The following IQSEC1 variants were observed in gnomAD, a reference collection of about 807,000 sequenced individuals.
IQSEC1 encodes IQ motif and SEC7 domain-containing protein 1.
In IQSEC1, 31 loss-of-function variants were observed where a neutral mutation model predicts 91.0. The ratio of observed to expected loss-of-function variants is 0.34; its 90% CI spans 0.26 to 0.46. The LOEUF (loss-of-function observed/expected upper bound fraction) is 0.46. Among genes scored for constraint, IQSEC1 ranks in the 20% least tolerant of loss-of-function variants. The pLI, the probability that IQSEC1 is intolerant of heterozygous loss-of-function variation, is 1.00. For missense variants in IQSEC1, 1,388 were observed against 1,575.6 expected (o/e 0.88, Z 2.02); for synonymous variants, 699 against 662.6 (o/e 1.05, Z -0.84).
At chr3:13,087,382 G>A (rs147636497) in intron 2 of IQSEC1, among the ~76,000 whole-genome samples, 2 of 152,124 alleles carry the variant, frequency 1.3e-5, no homozygotes, top group East Asian at 1.9e-4. Flanking sequence ...AGAGGCTCTC[G>A]GTGCAGAAAG....
intron 1 of IQSEC1, among the ~76,000 whole-genome samples, chr3:13,278,053 G>A (rs187169150): frequency 1.4e-4 from 22 of 152,262 alleles, no homozygotes; most frequent in East Asian, 7.7e-4. Flanking sequence ...CTGACGTGCC[G>A]CCGTACGGTT....
intron 2 of IQSEC1, among the ~76,000 whole-genome samples, chr3:13,090,604 AG>A (rs1193140779): frequency 6.6e-6 from 1 of 152,172 alleles, no homozygotes; most frequent in Non-Finnish European, 1.5e-5. Flanking sequence ...GTGCAGGGGC[AG>A]GTCCTGGTAG....
chr3:13,115,149 G>T (rs982617891), intron 2 of IQSEC1, among the ~76,000 whole-genome samples: 1 of 152,212 alleles, frequency 6.6e-6, no homozygotes, highest in Non-Finnish European at 1.5e-5. Flanking sequence ...GCTGAGGAGC[G>T]CCATGGCTGA....
At chr3:13,146,377 C>T (rs1706898510) in intron 2 of IQSEC1, among the ~76,000 whole-genome samples, 1 of 152,224 alleles carries the variant, frequency 6.6e-6, no homozygotes, top group Non-Finnish European at 1.5e-5. Context: ...CTTTCCTTTT[C>T]TGGTGCCTCC....
chr3:13,142,381 C>T (rs1002112473), intron 2 of IQSEC1, among the ~76,000 whole-genome samples: 3 of 152,212 alleles, frequency 2.0e-5, no homozygotes, highest in Non-Finnish European at 4.4e-5. Flanking sequence ...TTGGAAGCCA[C>T]CCCAGGCCAT....
At chr3:13,073,566 CCCTCGCGGCAAAGT>C (rs1348041938), upstream of IQSEC1, among the ~76,000 whole-genome samples, 11 of 152,068 alleles carry the variant, frequency 7.2e-5, no homozygotes, top group African/African-American at 2.7e-4. Flanking sequence ...CTCGGCTGCG[CCCTCGCGGCAAAGT>C]CACACACCCG....
chr3:12,993,312 C>A (rs62242714), intron 1 of IQSEC1, among the ~76,000 whole-genome samples: 1,738 of 152,334 alleles, frequency 0.011, 13 homozygotes, highest in Non-Finnish European at 0.015. Flanking sequence ...TTGGACCCAG[C>A]CCTCCAGCCC....
intron 2 of IQSEC1, among the ~76,000 whole-genome samples, chr3:13,096,482 AAG>A (rs1705964560): frequency 6.6e-6 from 1 of 152,164 alleles, no homozygotes; most frequent in Admixed American, 6.5e-5. Flanking sequence ...AGCAAGAATC[AAG>A]TATTTGGGGG....
chr3:12,929,924 C>T (rs1697518365), intron 3 of IQSEC1, among the ~76,000 whole-genome samples: 1 of 152,220 alleles, frequency 6.6e-6, no homozygotes, highest in South Asian at 2.1e-4. Context: ...AGCTTTTCCT[C>T]ACATCAGATG....
intron 1 of IQSEC1, among the ~76,000 whole-genome samples, chr3:13,279,775 G>A (rs1272993168): frequency 6.6e-6 from 1 of 152,196 alleles, no homozygotes; most frequent in African/African-American, 2.4e-5. Flanking sequence ...GCAGGTAGGG[G>A]GAAAGGGGAG....
chr3:13,012,037 C>T (rs943757325), intron 1 of IQSEC1, among the ~76,000 whole-genome samples: 5 of 152,296 alleles, frequency 3.3e-5, no homozygotes, highest in African/African-American at 9.6e-5. Flanking sequence ...CCAGAGGCTG[C>T]GGAGTGGCCA....
intron 1 of IQSEC1, among the ~76,000 whole-genome samples, chr3:12,953,306 C>T (rs1049749222): frequency 6.6e-6 from 1 of 152,178 alleles, no homozygotes; most frequent in East Asian, 1.9e-4. Context: ...GCGAGGGACA[C>T]TGAGGCTGAT....
At chr3:12,934,031 C>T (rs866921647) in intron 3 of IQSEC1, among the ~76,000 whole-genome samples, 23 of 152,166 alleles carry the variant, frequency 1.5e-4, no homozygotes, top group African/African-American at 5.6e-4. Flanking sequence ...GGGCCTGGGT[C>T]GAGAGATGAT....
chr3:12,998,486 T>G (rs190536549), intron 1 of IQSEC1, among the ~76,000 whole-genome samples: 2 of 152,214 alleles, frequency 1.3e-5, no homozygotes, highest in Admixed American at 6.5e-5. Flanking sequence ...TTACTTTTTA[T>G]GTAAGAAAGA....
chr3:13,202,116 G>C (rs1411838544), intron 1 of IQSEC1, among the ~76,000 whole-genome samples: 2 of 152,194 alleles, frequency 1.3e-5, no homozygotes, highest in African/African-American at 2.4e-5. Flanking sequence ...TGGCACCTCA[G>C]ACCCATTAGG....
At chr3:13,163,805 C>G (rs1363459405) in intron 2 of IQSEC1, among the ~76,000 whole-genome samples, 1 of 152,102 alleles carries the variant, frequency 6.6e-6, no homozygotes, top group East Asian at 1.9e-4. Flanking sequence ...CCTTGGCACA[C>G]TGGGCCATCA....
chr3:13,236,704 C>G (rs1003012904), intron 1 of IQSEC1, among the ~76,000 whole-genome samples: 5 of 152,200 alleles, frequency 3.3e-5, no homozygotes, highest in East Asian at 1.9e-4. Context: ...CAGCTCCACC[C>G]GGGCCCCTGT....
intron 7 of IQSEC1, 88 bp downstream of exon 7, chr3:12,915,506 A>T (rs1695994973): frequency 3.6e-6 from 5 of 1,400,282 alleles, no homozygotes; most frequent in Non-Finnish European, 4.0e-6. Context: ...GACCACACGG[A>T]GTGGGGTGGG....
intron 2 of IQSEC1, among the ~76,000 whole-genome samples, chr3:13,162,523 T>C (rs1233868052): frequency 6.6e-6 from 1 of 152,196 alleles, no homozygotes; most frequent in African/African-American, 2.4e-5. Flanking sequence ...TTCCTAGGTC[T>C]GCCCTGAGGA....
Sources: gnomAD v4.1 joint callset for allele counts (sites outside exome capture counted in the v4.1 genomes callset) on GRCh38, gnomAD v4.1.1 for gene constraint, MANE v1.5 for transcripts, NCBI Gene and HGNC (gene_info 2026-07-23, HGNC 2026-07-21) for gene names.